Variants in MYLK observed in about 807,000 individuals in gnomAD.
MYLK encodes myosin light chain kinase, also known as myosin light chain kinase, smooth muscle.
Under a neutral mutation model 203.4 loss-of-function variants are expected in MYLK, and 106 were observed. The observed-to-expected ratio is 0.52, with a 90% CI of 0.45 to 0.61. The LOEUF (loss-of-function observed/expected upper bound fraction) is 0.61. MYLK is among the 20% of genes least tolerant of loss of function. The pLI, the probability that MYLK is intolerant of heterozygous loss-of-function variation, is 0.00. For synonymous variants in MYLK, 867 were observed against 959.5 expected (o/e 0.90, Z 1.78); for missense variants, 2,072 against 2,442.3 (o/e 0.85, Z 3.20).
rs954571397 is a variant in MYLK, at chr3:123,837,537, T to A, written c.-126-5867A>T. On this transcript the variant is annotated intron_variant, in intron 2 of 33. Transcript: ENST00000360304. ...AATATATAATTATATAATACATATT[T>A]TATATATATATGCTCTATTGAGATA... Among the ~76,000 whole-genome samples, 24 of 146,998 alleles carry A rather than the reference T, an allele frequency of 1.6e-4. No individual in the cohort carries two copies. The East Asian group carries it at 2.9e-3, about 18-fold the overall frequency.
intron 13 of MYLK, among the ~76,000 whole-genome samples, chr3:123,711,005 C>T (rs577173809): frequency 1.4e-4 from 21 of 151,986 alleles, no homozygotes; most frequent in Non-Finnish European, 2.9e-4. Context: ...GTGGGAGGAT[C>T]ACTTGAGCCT....
intron 9 of MYLK, 29 bp from the exon 10 acceptor site, chr3:123,734,251 T>A: frequency 4.5e-6 from 2 of 448,434 alleles, no homozygotes; most frequent in Non-Finnish European, 7.9e-6. Context: ...GGGGGTAGGG[T>A]GGGTGAGGAG....
chr3:123,657,223 G>A lies in MYLK; in HGVS notation c.4191C>T (p.Asp1397=). Residue 1397 remains aspartate, a synonymous_variant, in exon 24 of 34, where the codon GAC becomes GAT. Transcript: ENST00000360304. ...TSFNVQDLLP[D]HEYKFRVRAI... ...CACGTACACGGAACTTATATTCGTG[G>A]TCAGGCAGCAGGTCCTGGACGTTGA... 1 of 1,614,162 alleles carries A rather than the reference G, an allele frequency of 6.2e-7. No homozygotes were observed. The highest frequency in any genetic ancestry group is 8.5e-7 in the Non-Finnish European group (1 of 1,180,036).
intron 3 of MYLK, among the ~76,000 whole-genome samples, chr3:123,809,250 C>T (rs772070912): frequency 5.3e-5 from 8 of 152,140 alleles, no homozygotes; most frequent in Non-Finnish European, 1.2e-4. Context: ...GCAGGCCAGG[C>T]GTGGTGGCTC....
intron 8 of MYLK, 87 bp downstream of exon 8, chr3:123,737,291 A>G (rs1160268957): frequency 6.4e-7 from 1 of 1,559,822 alleles, no homozygotes; most frequent in Non-Finnish European, 8.8e-7. Flanking sequence ...GTATACACAC[A>G]CAGGTGCGCA....
chr3:123,770,760 T>C (rs751322840), intron 4 of MYLK, among the ~76,000 whole-genome samples: 1 of 152,212 alleles, frequency 6.6e-6, no homozygotes, highest in Non-Finnish European at 1.5e-5. Flanking sequence ...TTCAAATGTA[T>C]GATGAGCTCT....
chr3:123,733,573 G>A (rs898902514), intron 10 of MYLK, 114 bp downstream of exon 10: 1 of 1,343,234 alleles, frequency 7.4e-7, no homozygotes, highest in Middle Eastern at 1.9e-4. Context: ...AGGGGAGCTA[G>A]TCCAAGAAGA....
chr3:123,843,458 T>C (rs149376997), intron 2 of MYLK, among the ~76,000 whole-genome samples: 30 of 152,202 alleles, frequency 2.0e-4, no homozygotes, highest in African/African-American at 6.7e-4. Flanking sequence ...ACTATATATG[T>C]AGCTTGCTTC....
intron 2 of MYLK, among the ~76,000 whole-genome samples, chr3:123,834,596 G>A (rs926262785): frequency 5.9e-5 from 9 of 152,040 alleles, no homozygotes; most frequent in African/African-American, 1.5e-4. Flanking sequence ...ATTGGGATGC[G>A]CAGTGGGATT....
chr3:123,741,909 G>C (rs925992994), intron 5 of MYLK, among the ~76,000 whole-genome samples: 11 of 152,068 alleles, frequency 7.2e-5, no homozygotes, highest in Non-Finnish European at 1.2e-4. Context: ...GATCCTCTCC[G>C]CTCCACTGGG....
At chr3:123,726,718 A>C (rs975326499) in intron 11 of MYLK, among the ~76,000 whole-genome samples, 2 of 152,160 alleles carry the variant, frequency 1.3e-5, no homozygotes, top group Admixed American at 1.3e-4. Flanking sequence ...GTTTGAATGC[A>C]CATTCTGGTT....
chr3:123,828,169 C>CA (rs1158275290), intron 3 of MYLK, among the ~76,000 whole-genome samples: 4 of 152,004 alleles, frequency 2.6e-5, no homozygotes, highest in African/African-American at 9.7e-5. Context: ...CCAAAAATGA[C>CA]AAAGCTGGGG....
intron 2 of MYLK, among the ~76,000 whole-genome samples, chr3:123,850,127 T>C (rs1436099143): frequency 3.9e-5 from 6 of 152,234 alleles, no homozygotes; most frequent in Admixed American, 6.5e-5. Flanking sequence ...CCACATTTTC[T>C]TAATCCAGTC....
At chr3:123,880,068 T>C (rs2033430511) in intron 1 of MYLK, among the ~76,000 whole-genome samples, 1 of 152,222 alleles carries the variant, frequency 6.6e-6, no homozygotes, top group South Asian at 2.1e-4. Context: ...CTGCCCGGTA[T>C]ATATAATAAA....
Position 123,855,072 on chromosome 3 carries a change from G to A in MYLK, c.-127+21487C>T, listed in dbSNP as rs181677248. On this transcript the variant is annotated intron_variant, in intron 2 of 33. Transcript: ENST00000360304. ...CTGCAGTTTCACTATGTCTAATTGC[G>A]GGTTAACTTTTGTTTAGCTTTCAAA... Among the ~76,000 whole-genome samples the A allele has an allele frequency of 1.6e-4, 24 of 152,122 alleles. No individual in the cohort carries two copies. The East Asian group carries it at 3.7e-3, about 23-fold the overall frequency.
intron 16 of MYLK, among the ~76,000 whole-genome samples, chr3:123,707,064 C>A (rs537261396): frequency 6.6e-6 from 1 of 152,306 alleles, no homozygotes; most frequent in East Asian, 1.9e-4. Flanking sequence ...ACCTGGGCTC[C>A]CTCTTCGATC....
chr3:123,670,572 C>T (rs1184821607), intron 20 of MYLK, among the ~76,000 whole-genome samples: 2 of 151,936 alleles, frequency 1.3e-5, no homozygotes, highest in African/African-American at 2.4e-5. Context: ...CTGGGCAACA[C>T]GGCAAGACCC....
chr3:123,699,702 G>A (rs976665150), intron 18 of MYLK, among the ~76,000 whole-genome samples: 1 of 152,208 alleles, frequency 6.6e-6, no homozygotes, highest in Non-Finnish European at 1.5e-5. Context: ...TCTCCTCTGG[G>A]GAGCCACAGG....
intron 1 of MYLK, among the ~76,000 whole-genome samples, chr3:123,878,911 C>A (rs1006787282): frequency 1.3e-5 from 2 of 152,090 alleles, no homozygotes; most frequent in African/African-American, 4.8e-5. Context: ...GGTCCTGAAC[C>A]CTGACCTCAG....
Sources: allele counts gnomAD v4.1 joint callset (sites outside exome capture counted in the v4.1 genomes callset), GRCh38; gene constraint gnomAD v4.1.1; transcripts MANE v1.5; gene names NCBI Gene and HGNC (gene_info 2026-07-23, HGNC 2026-07-21).